Variants in PBX1 observed in about 807,000 individuals in gnomAD.
PBX1 encodes PBX homeobox 1.
A neutral mutation model predicts 53.4 loss-of-function variants in PBX1; 6 were observed. That is an observed-to-expected ratio of 0.11 (90% CI 0.06 to 0.22). The LOEUF (loss-of-function observed/expected upper bound fraction) is 0.22, where lower values mean the gene tolerates loss of function less well. Among genes scored for constraint, PBX1 ranks in the 10% least tolerant of loss-of-function variants. PBX1 has a pLI of 1.00. For synonymous variants in PBX1, 204 were observed against 212.3 expected, an observed-to-expected ratio of 0.96 and a Z score of 0.34; for missense variants, 251 against 551.4, an observed-to-expected ratio of 0.46 and a Z score of 5.46.
chr1:164,801,322 G>T (rs973131794), intron 4 of PBX1, among the ~76,000 whole-genome samples: 1 of 152,110 alleles, frequency 6.6e-6, no homozygotes, highest in African/African-American at 2.4e-5. Context: ...AGTGCAAAGT[G>T]CAAGTGACTG....
rs112752573 is a variant in PBX1 at position 164,623,289 on chromosome 1, G to A, written c.265+59978G>A. ...TTAATAAAGGGCCTGATAGGGAATC[G>A]AAGAACGTCACCCCCAGGTAATTGC... is the stretch of plus-strand genomic sequence containing the variant. On this transcript the variant is annotated intron_variant, in intron 2 of 8. Coordinates refer to ENST00000420696, the MANE Select transcript of PBX1 (RefSeq NM_002585.4). Among the ~76,000 whole-genome samples the A allele has an allele frequency of 8.3e-3, 1,264 of 152,292 alleles. 24 individuals carry two copies. Among genetic ancestry groups the A allele is most frequent in the African/African-American group, 0.029 (1,193 of 41,540 alleles).
chr1:164,844,382 C>T (rs1671459566), intron 8 of PBX1, among the ~76,000 whole-genome samples: 1 of 152,046 alleles, frequency 6.6e-6, no homozygotes. Flanking sequence ...GCCTGTCTGT[C>T]TACCTACCTA....
intron 2 of PBX1, among the ~76,000 whole-genome samples, chr1:164,568,884 C>T (rs565326477): frequency 6.6e-6 from 1 of 152,308 alleles, no homozygotes; most frequent in East Asian, 1.9e-4. Flanking sequence ...TAACACCTAT[C>T]CCCCATGATG....
At chr1:164,665,108 G>A (rs1224163721) in intron 2 of PBX1, among the ~76,000 whole-genome samples, 3 of 152,128 alleles carry the variant, frequency 2.0e-5, no homozygotes, top group Non-Finnish European at 4.4e-5. Flanking sequence ...CAATATTCCT[G>A]TCTAAATGGG....
intron 2 of PBX1, among the ~76,000 whole-genome samples, chr1:164,622,223 G>A (rs1365089838): frequency 6.6e-6 from 1 of 152,184 alleles, no homozygotes; most frequent in Admixed American, 6.5e-5. Context: ...GGGTTGCCAG[G>A]CCTCTGTTCC....
chr1:164,619,506 A>T (rs1657530610), intron 2 of PBX1, among the ~76,000 whole-genome samples: 1 of 152,098 alleles, frequency 6.6e-6, no homozygotes, highest in Non-Finnish European at 1.5e-5. Context: ...GACCTATACA[A>T]GGCAGTGGGT....
At chr1:164,858,766 T>C (rs1388620264) in intron 2 of PBX1, among the ~76,000 whole-genome samples, 1 of 152,180 alleles carries the variant, frequency 6.6e-6, no homozygotes, top group Non-Finnish European at 1.5e-5. Context: ...TAAGAAAATT[T>C]AGAATTCTTC....
chr1:164,670,975 C>G (rs917806860), intron 2 of PBX1, among the ~76,000 whole-genome samples: 3 of 152,160 alleles, frequency 2.0e-5, no homozygotes, highest in Non-Finnish European at 2.9e-5. Context: ...AGTCTTCTTC[C>G]CTATCAGCCA....
chr1:164,716,361 A>G (rs919155468), intron 2 of PBX1, among the ~76,000 whole-genome samples: 27 of 152,190 alleles, frequency 1.8e-4, no homozygotes, highest in African/African-American at 6.3e-4. Flanking sequence ...TAGCCTACAT[A>G]TTGAAAAATT....
intron 2 of PBX1, among the ~76,000 whole-genome samples, chr1:164,564,500 T>G (rs1653293350): frequency 6.6e-6 from 1 of 152,170 alleles, no homozygotes; most frequent in African/African-American, 2.4e-5. Context: ...GACTGTTGAA[T>G]GAATATGTAA....
intron 2 of PBX1, among the ~76,000 whole-genome samples, chr1:164,711,745 T>C (rs932245529): frequency 6.6e-6 from 1 of 152,212 alleles, no homozygotes; most frequent in Admixed American, 6.5e-5. Context: ...TAATCTTGCC[T>C]GATGTATATG....
intron 2 of PBX1, among the ~76,000 whole-genome samples, chr1:164,640,554 TTG>T (rs67432278): frequency 0.33 from 37,762 of 115,166 alleles, 6,405 homozygotes; most frequent in Middle Eastern, 0.47. Context: ...TGTTTTTTTT[TTG>T]TGTTTTTTTT....
rs371514378 is a variant in PBX1, at chr1:164,621,834, A to AT, written c.265+58533dup. On this transcript the variant is annotated intron_variant, in intron 2 of 8. Transcript: ENST00000420696. Reference sequence around the variant, plus strand: ...GCCCATCGAATAGGCATTTGGGTAGATTTTTTTTTTCTACAATTTGACTTC... The same window carrying AT: ...GCCCATCGAATAGGCATTTGGGTAGATTTTTTTTTTTCTACAATTTGACTTC... 8.3e-3 allele frequency among the ~76,000 whole-genome samples: 1,253 copies of AT among 150,650 alleles called. 14 individuals are homozygous for AT. Among genetic ancestry groups the AT allele is most frequent in the African/African-American group, 0.029 (1,190 of 41,064 alleles).
At chr1:164,571,085 C>T (rs545971940) in intron 2 of PBX1, among the ~76,000 whole-genome samples, 1 of 152,288 alleles carries the variant, frequency 6.6e-6, no homozygotes, top group South Asian at 2.1e-4. Context: ...CCTTCTAGTA[C>T]ATTCCTTATT....
At chr1:164,603,988 T>G (rs1656383729) in intron 2 of PBX1, among the ~76,000 whole-genome samples, 1 of 126,248 alleles carries the variant, frequency 7.9e-6, no homozygotes, top group African/African-American at 3.0e-5. Flanking sequence ...TCACCCAGGC[T>G]GGAGTGCAGT....
At chr1:164,826,364 G>A (rs964838385) in intron 8 of PBX1, among the ~76,000 whole-genome samples, 4 of 152,158 alleles carry the variant, frequency 2.6e-5, no homozygotes, top group African/African-American at 9.7e-5. Context: ...TGTGATAGCA[G>A]AAAGCATTAT....
At chr1:164,650,363 G>A (rs977027121) in intron 2 of PBX1, among the ~76,000 whole-genome samples, 2 of 151,866 alleles carry the variant, frequency 1.3e-5, no homozygotes, top group African/African-American at 4.8e-5. Context: ...TGAGTAGCTG[G>A]GATTACAGGC....
intron 2 of PBX1, among the ~76,000 whole-genome samples, chr1:164,635,720 T>G (rs1780337): frequency 0.49 from 75,256 of 152,074 alleles, 19,184 homozygotes; most frequent in Middle Eastern, 0.62. Flanking sequence ...ATTTTCTGTT[T>G]TAATTTACGT....
At chr1:164,625,009 T>C (rs1657943372) in intron 2 of PBX1, among the ~76,000 whole-genome samples, 1 of 152,328 alleles carries the variant, frequency 6.6e-6, no homozygotes, top group African/African-American at 2.4e-5. Flanking sequence ...TGTATTTCTA[T>C]AGGGTGGAAA....
Sources: allele counts gnomAD v4.1 joint callset (sites outside exome capture counted in the v4.1 genomes callset), GRCh38; gene constraint gnomAD v4.1.1; transcripts MANE v1.5; gene names NCBI Gene and HGNC (gene_info 2026-07-23, HGNC 2026-07-21).